PRELID2: variants seen among roughly 807,000 people sequenced by gnomAD.
The protein encoded by PRELID2 is PRELI domain-containing protein 2.
In PRELID2, 25 loss-of-function variants were observed where a neutral mutation model predicts 28.4. That is an observed-to-expected ratio of 0.88 (90% CI 0.64 to 1.23). PRELID2 has a LOEUF of 1.23. Ranked by LOEUF, PRELID2 falls within the 50% of genes most tolerant of loss-of-function variation. PRELID2 has a pLI of 0.00. For synonymous variants in PRELID2, 76 were observed against 71.6 expected (o/e 1.06, Z -0.31); for missense variants, 201 against 214.4 (o/e 0.94, Z 0.39).
chr5:145,511,277 T>C (rs572321273), intron 1 of PRELID2, among the ~76,000 whole-genome samples: 6 of 152,338 alleles, frequency 3.9e-5, no homozygotes, highest in Non-Finnish European at 5.9e-5. Flanking sequence ...GCCAAAGAGT[T>C]CAAATGTTTT....
chr5:145,263,229 A>G, the PRELID2 span, among the ~76,000 whole-genome samples: 1 of 152,186 alleles, frequency 6.6e-6, no homozygotes, highest in Non-Finnish European at 1.5e-5. Flanking sequence ...ATAGCAACAC[A>G]ATAATAGTGG....
chr5:145,556,714 C>T (rs1200924410), intron 1 of PRELID2, among the ~76,000 whole-genome samples: 1 of 152,166 alleles, frequency 6.6e-6, no homozygotes, highest in African/African-American at 2.4e-5. Context: ...GTGGTCTCAC[C>T]TGACCCTACT....
At chr5:145,726,210 A>G (rs1197093052) in intron 1 of PRELID2, among the ~76,000 whole-genome samples, 1 of 128,904 alleles carries the variant, frequency 7.8e-6, no homozygotes. Flanking sequence ...AGAGCGAAAG[A>G]GAGAAGAAAG....
chr5:145,579,169 A>C (rs1753086689), intron 1 of PRELID2, among the ~76,000 whole-genome samples: 1 of 152,140 alleles, frequency 6.6e-6, no homozygotes, highest in African/African-American at 2.4e-5. Context: ...TGGGAACATT[A>C]TGAAGAGTGT....
chr5:145,529,736 G>A (rs561102083), intron 1 of PRELID2, among the ~76,000 whole-genome samples: 1 of 151,368 alleles, frequency 6.6e-6, no homozygotes, highest in African/African-American at 2.4e-5. Context: ...GCAAAATAAT[G>A]TTAAGATACA....
chr5:145,487,231 T>C (rs1752226143), intron 1 of PRELID2, among the ~76,000 whole-genome samples: 1 of 140,418 alleles, frequency 7.1e-6, no homozygotes, highest in Non-Finnish European at 1.6e-5. Context: ...CCCTAAAACT[T>C]AAAGTATAAT....
the PRELID2 span, among the ~76,000 whole-genome samples, chr5:145,454,790 T>A: frequency 1.3e-5 from 2 of 152,206 alleles, no homozygotes; most frequent in African/African-American, 4.8e-5. Context: ...TTGAGAAGTG[T>A]CTGTTCATAT....
At chr5:145,448,085 T>C in the PRELID2 span, among the ~76,000 whole-genome samples, 37 of 152,220 alleles carry the variant, frequency 2.4e-4, no homozygotes, top group East Asian at 6.2e-3. Context: ...TACAGTCCCA[T>C]CAACAGTGTA....
At chr5:145,535,799 A>G (rs1195044994) in intron 1 of PRELID2, among the ~76,000 whole-genome samples, 1 of 151,950 alleles carries the variant, frequency 6.6e-6, no homozygotes, top group Non-Finnish European at 1.5e-5. Context: ...ATTCTAGAAC[A>G]ATAGTTTATT....
At chr5:145,283,670 G>A in the PRELID2 span, among the ~76,000 whole-genome samples, 2 of 152,160 alleles carry the variant, frequency 1.3e-5, no homozygotes, top group African/African-American at 4.8e-5. Context: ...GCCAAAGCGA[G>A]AGGATCTTTT....
chr5:145,314,418 GTC>G, the PRELID2 span, among the ~76,000 whole-genome samples: 87 of 152,204 alleles, frequency 5.7e-4, no homozygotes, highest in African/African-American at 2.0e-3. Flanking sequence ...AAAGAGCAAA[GTC>G]TGTTTCAATT....
At chr5:145,412,148 A>C in the PRELID2 span, among the ~76,000 whole-genome samples, 2 of 152,158 alleles carry the variant, frequency 1.3e-5, no homozygotes, top group African/African-American at 4.8e-5. Context: ...CTTGGTGATT[A>C]ATATTTGGTT....
chr5:145,831,680 T>C (rs1365870314), intron 1 of PRELID2, among the ~76,000 whole-genome samples: 2 of 152,226 alleles, frequency 1.3e-5, no homozygotes, highest in Admixed American at 6.5e-5. Context: ...ACATGCATGA[T>C]GTTAACACTG....
intron 5 of PRELID2, among the ~76,000 whole-genome samples, chr5:145,776,438 T>A (rs944886342): frequency 6.8e-6 from 1 of 147,766 alleles, no homozygotes; most frequent in Admixed American, 7.0e-5. Context: ...TTCCTGTAAG[T>A]GAAAAGGTGA....
intron 1 of PRELID2, among the ~76,000 whole-genome samples, chr5:145,735,379 A>C (rs1756467269): frequency 6.6e-6 from 1 of 152,152 alleles, no homozygotes. Context: ...TTTTACAAAG[A>C]TGCATTTTTA....
At chr5:145,678,390 AT>A (rs1182472475) in intron 1 of PRELID2, among the ~76,000 whole-genome samples, 3 of 152,174 alleles carry the variant, frequency 2.0e-5, no homozygotes, top group African/African-American at 7.2e-5. Context: ...CTTCTAGTTT[AT>A]TTAACTTCCT....
chr5:145,374,552 C>T, the PRELID2 span, among the ~76,000 whole-genome samples: 3 of 152,042 alleles, frequency 2.0e-5, no homozygotes, highest in African/African-American at 7.2e-5. Context: ...GGAAGTTTCC[C>T]TGGTTAATAT....
chr5:145,681,929 T>A (rs1263820375), intron 1 of PRELID2, among the ~76,000 whole-genome samples: 1 of 152,242 alleles, frequency 6.6e-6, no homozygotes, highest in African/African-American at 2.4e-5. Flanking sequence ...AAGTGCCTGA[T>A]GCTACATTCA....
chr5:145,245,625 C>A, the PRELID2 span, among the ~76,000 whole-genome samples: 1 of 152,000 alleles, frequency 6.6e-6, no homozygotes, highest in African/African-American at 2.4e-5. Flanking sequence ...GATTCTTCTC[C>A]GCTGCCCTGA....
Sources: allele counts gnomAD v4.1 joint callset (sites outside exome capture counted in the v4.1 genomes callset), GRCh38; gene constraint gnomAD v4.1.1; transcripts MANE v1.5; gene names NCBI Gene and HGNC (gene_info 2026-07-23, HGNC 2026-07-21).